Variants in LRRC37A2 observed in about 807,000 individuals in gnomAD.
LRRC37A2 encodes leucine-rich repeat-containing protein 37A2.
LRRC37A2 carries 9 observed loss-of-function variants against 68.8 expected under a neutral mutation model. The observed-to-expected ratio is 0.13, with a 90% confidence interval of 0.08 to 0.23. LRRC37A2 has a LOEUF of 0.23. Ranked by LOEUF, LRRC37A2 falls within the 10% of genes least tolerant of loss-of-function variation. The pLI, the probability that LRRC37A2 is intolerant of heterozygous loss-of-function variation, is 1.00. For synonymous variants in LRRC37A2, 63 were observed against 367.6 expected (o/e 0.17, Z 9.48); for missense variants, 168 against 950.4 (o/e 0.18, Z 10.82).
the LRRC37A2 span, among the ~76,000 whole-genome samples, chr17:46,832,479 C>A: frequency 6.6e-6 from 1 of 152,044 alleles, no homozygotes; most frequent in African/African-American, 2.4e-5. Flanking sequence ...CAGGAAACGG[C>A]CAGGCAGCCA....
chr17:46,988,197 T>C, the LRRC37A2 span, among the ~76,000 whole-genome samples: 1 of 152,090 alleles, frequency 6.6e-6, no homozygotes, highest in African/African-American at 2.4e-5. Flanking sequence ...AACAAACAAA[T>C]GCATTATGTT....
the LRRC37A2 span, chr17:46,773,993 C>A: frequency 6.5e-7 from 1 of 1,541,238 alleles, no homozygotes; most frequent in South Asian, 1.2e-5. Flanking sequence ...GTGAACCCTC[C>A]GGGGTAGGTG....
chr17:46,766,998 G>A, the LRRC37A2 span, among the ~76,000 whole-genome samples: 2 of 152,200 alleles, frequency 1.3e-5, no homozygotes, highest in Non-Finnish European at 2.9e-5. Context: ...CGGTTGGCAA[G>A]TGGTAGGAGC....
chr17:46,813,078 G>T, the LRRC37A2 span, among the ~76,000 whole-genome samples: 1 of 152,198 alleles, frequency 6.6e-6, no homozygotes, highest in South Asian at 2.1e-4. Flanking sequence ...GTGCAAGCAG[G>T]TTGGCTTGGC....
chr17:47,009,130 C>T, the LRRC37A2 span, among the ~76,000 whole-genome samples: 4 of 150,146 alleles, frequency 2.7e-5, no homozygotes, highest in East Asian at 7.8e-4. Flanking sequence ...GATATTCCAT[C>T]TCAAAAAAAA....
At chr17:46,737,952 A>ATTATTATTATTG in the LRRC37A2 span, among the ~76,000 whole-genome samples, 103 of 139,980 alleles carry the variant, frequency 7.4e-4, 2 homozygotes, top group East Asian at 7.1e-3. Context: ...TATTATTATT[A>ATTATTATTATTG]GAGATAGGAT....
At chr17:46,872,391 C>A in the LRRC37A2 span, 1 of 1,347,156 alleles carries the variant, frequency 7.4e-7, no homozygotes, top group Non-Finnish European at 9.6e-7. Context: ...GGGACGGGAC[C>A]TCCAGCGGGT....
chr17:46,494,990 C>T, the LRRC37A2 span, among the ~76,000 whole-genome samples: 13 of 150,196 alleles, frequency 8.7e-5, no homozygotes, highest in Non-Finnish European at 1.6e-4. Context: ...TCCCAGCCCC[C>T]GGTAACCATC....
the LRRC37A2 span, among the ~76,000 whole-genome samples, chr17:46,906,140 A>T: frequency 6.6e-6 from 1 of 151,720 alleles, no homozygotes; most frequent in East Asian, 1.9e-4. Context: ...CCCAGCCCCC[A>T]CTCCTGAGAT....
the LRRC37A2 span, among the ~76,000 whole-genome samples, chr17:46,927,045 G>A: frequency 0.028 from 4,311 of 152,268 alleles, 112 homozygotes; most frequent in African/African-American, 0.066. Context: ...TAGTTTCCCT[G>A]TTTCCTTATT....
At chr17:46,789,812 C>G in the LRRC37A2 span, among the ~76,000 whole-genome samples, 2 of 152,352 alleles carry the variant, frequency 1.3e-5, no homozygotes, top group South Asian at 4.1e-4. Flanking sequence ...GTGGCAGATG[C>G]GCACGCAGGA....
chr17:46,585,168 T>C, the LRRC37A2 span, among the ~76,000 whole-genome samples: 2 of 144,078 alleles, frequency 1.4e-5, no homozygotes, highest in South Asian at 4.6e-4. Context: ...AATAAAAAAA[T>C]TAGCCAGGTA....
the LRRC37A2 span, among the ~76,000 whole-genome samples, chr17:46,960,714 G>A: frequency 2.0e-5 from 3 of 152,198 alleles, no homozygotes; most frequent in South Asian, 2.1e-4. Flanking sequence ...AGTGTGAAAC[G>A]ATATGGATGC....
At chr17:46,953,393 C>T in the LRRC37A2 span, among the ~76,000 whole-genome samples, 1 of 152,210 alleles carries the variant, frequency 6.6e-6, no homozygotes, top group Non-Finnish European at 1.5e-5. Flanking sequence ...TTTTTTATGG[C>T]TGCATAGTAT....
chr17:46,774,160 G>A, the LRRC37A2 span, among the ~76,000 whole-genome samples: 1 of 152,256 alleles, frequency 6.6e-6, no homozygotes, highest in Non-Finnish European at 1.5e-5. Flanking sequence ...GCTTGTGGGG[G>A]CCCTTGGGGG....
chr17:46,932,225 G>T, the LRRC37A2 span: 9 of 1,613,542 alleles, frequency 5.6e-6, no homozygotes, highest in East Asian at 2.2e-5. Flanking sequence ...GGTGAGGGTC[G>T]GCCTGCACTT....
the LRRC37A2 span, chr17:46,830,524 G>T: frequency 2.5e-6 from 1 of 395,834 alleles, no homozygotes; most frequent in Non-Finnish European, 4.4e-6. Context: ...GGGATTACAG[G>T]CATGAGCCAC....
At chr17:46,835,370 C>T in the LRRC37A2 span, among the ~76,000 whole-genome samples, 10,784 of 152,148 alleles carry the variant, frequency 0.071, 526 homozygotes, top group Non-Finnish European at 0.1. Flanking sequence ...CGCCACCACG[C>T]CCAGCTAATT....
the LRRC37A2 span, among the ~76,000 whole-genome samples, chr17:46,970,405 G>T: frequency 6.6e-6 from 1 of 152,152 alleles, no homozygotes; most frequent in East Asian, 1.9e-4. Flanking sequence ...GCTGGGAGTG[G>T]TGGTGGACAC....
Sources: allele counts gnomAD v4.1 joint callset (sites outside exome capture counted in the v4.1 genomes callset), GRCh38; gene constraint gnomAD v4.1.1; transcripts MANE v1.5; gene names NCBI Gene and HGNC (gene_info 2026-07-23, HGNC 2026-07-21).